MYO16: variants seen among roughly 807,000 people sequenced by gnomAD.
The protein encoded by MYO16 is myosin XVI.
In MYO16, 94 loss-of-function variants were observed where a neutral mutation model predicts 205.3. The observed-to-expected ratio is 0.46, with a 90% CI of 0.39 to 0.54. The LOEUF (loss-of-function observed/expected upper bound fraction) is 0.54, where lower values mean the gene tolerates loss of function less well. Ranked by LOEUF, MYO16 falls within the 20% of genes least tolerant of loss-of-function variation. The probability of loss-of-function intolerance (pLI) is 0.00; values close to 1 mark genes in which losing one functional copy is unlikely to be tolerated. For synonymous variants in MYO16, 988 were observed against 954.0 expected (o/e 1.04, Z -0.66); for missense variants, 2,315 against 2,387.5 (o/e 0.97, Z 0.63).
At chr13:108,625,233 T>C (rs1879689176), upstream of MYO16, among the ~76,000 whole-genome samples, 3 of 152,196 alleles carry the variant, frequency 2.0e-5, no homozygotes, top group Admixed American at 2.0e-4. Flanking sequence ...CACACAGCCC[T>C]GTGGAGTCCT....
chr13:108,854,254 C>T (rs1403092633), intron 10 of MYO16, among the ~76,000 whole-genome samples: 1 of 152,072 alleles, frequency 6.6e-6, no homozygotes, highest in African/African-American at 2.4e-5. Context: ...ACCACAGTCT[C>T]CCTGTGCTGG....
chr13:108,628,582 C>A (rs1029596661), upstream of MYO16, among the ~76,000 whole-genome samples: 1 of 152,072 alleles, frequency 6.6e-6, no homozygotes, highest in African/African-American at 2.4e-5. Flanking sequence ...CTGTTCTGTG[C>A]GAAATCTTCA....
intron 2 of MYO16, among the ~76,000 whole-genome samples, chr13:108,700,412 A>AT (rs1883260682): frequency 6.6e-6 from 1 of 151,512 alleles, no homozygotes; most frequent in Non-Finnish European, 1.5e-5. Context: ...CGGCAAGAGC[A>AT]GTGTTTTGTG....
Position 108,964,791 on chromosome 13 carries a change from A to G in MYO16, c.2258A>G (p.Gln753Arg). ...GDMIIRRHTI[Q>R]IAEFFRDLLA... Reference sequence around the variant, plus strand: ...ATGATAATACGACGACATACCATACAGATTGCTGAGTTTTTCCGAGACCTC... The same window carrying G: ...ATGATAATACGACGACATACCATACGGATTGCTGAGTTTTTCCGAGACCTC... The change falls in exon 20 of 35, where the codon CAG becomes CGG. Residue 753 changes from glutamine (Q) to arginine (R), a missense_variant. Physicochemically the swap from Gln to Arg is conservative, Grantham distance 43. Transcript: ENST00000457511. 1 of 1,614,162 alleles carries G rather than the reference A, an allele frequency of 6.2e-7. No individual in the cohort carries two copies. Among genetic ancestry groups the G allele is most frequent in the Non-Finnish European group, 8.5e-7 (1 of 1,180,020 alleles).
chr13:108,794,687 C>T (rs2138949036), intron 6 of MYO16, among the ~76,000 whole-genome samples: 1 of 152,180 alleles, frequency 6.6e-6, no homozygotes, highest in Non-Finnish European at 1.5e-5. Flanking sequence ...ACATTTTGCC[C>T]TACTGACCCA....
intron 4 of MYO16, among the ~76,000 whole-genome samples, chr13:108,760,615 A>C (rs16973041): frequency 0.027 from 4,182 of 152,268 alleles, 181 homozygotes; most frequent in African/African-American, 0.096. Flanking sequence ...AAGTTTTTAA[A>C]GTCCTTTAGC....
chr13:108,830,901 A>G (rs1876582662), intron 9 of MYO16, among the ~76,000 whole-genome samples: 1 of 152,208 alleles, frequency 6.6e-6, no homozygotes, highest in Non-Finnish European at 1.5e-5. Context: ...CTGTCTATTC[A>G]GTCCATTATT....
the MYO16 span, among the ~76,000 whole-genome samples, chr13:108,520,103 G>A: frequency 6.6e-6 from 1 of 151,996 alleles, no homozygotes. Flanking sequence ...CCGTAGTTAT[G>A]CTTTCTTGTC....
At chr13:109,156,547 C>T (rs904364916) in intron 32 of MYO16, among the ~76,000 whole-genome samples, 15 of 152,208 alleles carry the variant, frequency 9.9e-5, no homozygotes, top group Non-Finnish European at 1.3e-4. Context: ...TACTGAAACC[C>T]GGATCCCATC....
At chr13:108,746,775 C>T (rs892737733) in intron 4 of MYO16, among the ~76,000 whole-genome samples, 2 of 151,906 alleles carry the variant, frequency 1.3e-5, no homozygotes, top group African/African-American at 2.4e-5. Flanking sequence ...CACACAGATC[C>T]GAGATGCTCA....
intron 12 of MYO16, among the ~76,000 whole-genome samples, chr13:108,869,437 T>C (rs749151435): frequency 6.6e-6 from 1 of 151,904 alleles, no homozygotes; most frequent in African/African-American, 2.4e-5. Context: ...TAAAAAATCT[T>C]ACCTTGGCCG....
intron 1 of MYO16, among the ~76,000 whole-genome samples, chr13:108,599,596 T>C (rs1205957988): frequency 6.6e-6 from 1 of 152,146 alleles, no homozygotes; most frequent in African/African-American, 2.4e-5. Flanking sequence ...GAAGAGCATC[T>C]AGATCATAGC....
intron 16 of MYO16, among the ~76,000 whole-genome samples, chr13:108,943,355 G>A (rs1015850423): frequency 7.2e-5 from 11 of 152,172 alleles, no homozygotes; most frequent in African/African-American, 1.2e-4. Flanking sequence ...ACCCTACGAC[G>A]AGTTCCTGAT....
chr13:108,515,949 C>CAG, the MYO16 span, among the ~76,000 whole-genome samples: 9 of 117,714 alleles, frequency 7.6e-5, no homozygotes, highest in Admixed American at 5.2e-4. Context: ...GCCCTGCCCC[C>CAG]AGAGGTGGAG....
At chr13:109,020,280 A>T (rs1885976972) in intron 23 of MYO16, among the ~76,000 whole-genome samples, 1 of 152,134 alleles carries the variant, frequency 6.6e-6, no homozygotes. Context: ...GTATTAAAGT[A>T]TTTTTTATTA....
chr13:109,112,432 T>C (rs956188312), intron 28 of MYO16, among the ~76,000 whole-genome samples: 1 of 152,178 alleles, frequency 6.6e-6, no homozygotes, highest in Non-Finnish European at 1.5e-5. Flanking sequence ...ATAAATCAAA[T>C]AGTTTAAATA....
chr13:108,672,610 T>A (rs1384767749), intron 2 of MYO16, among the ~76,000 whole-genome samples: 2 of 152,182 alleles, frequency 1.3e-5, no homozygotes. Context: ...TTGGTGATAT[T>A]TCAGTGTGTA....
chr13:108,902,602 T>G (rs771108339), intron 15 of MYO16, among the ~76,000 whole-genome samples: 3 of 152,218 alleles, frequency 2.0e-5, no homozygotes, highest in Non-Finnish European at 4.4e-5. Flanking sequence ...TTGACCTCTC[T>G]GGGGGGACCT....
intron 6 of MYO16, among the ~76,000 whole-genome samples, chr13:108,795,498 G>A (rs1325099167): frequency 1.3e-5 from 2 of 152,138 alleles, no homozygotes; most frequent in Admixed American, 6.5e-5. Flanking sequence ...GTGAGTTACC[G>A]CGCCTGGCCA....
Sources: gnomAD v4.1 joint callset for allele counts (sites outside exome capture counted in the v4.1 genomes callset) on GRCh38, gnomAD v4.1.1 for gene constraint, MANE v1.5 for transcripts, NCBI Gene and HGNC (gene_info 2026-07-23, HGNC 2026-07-21) for gene names.